The following COG5 variants were observed in gnomAD, a reference collection of about 807,000 sequenced individuals.
The protein encoded by COG5 is conserved oligomeric Golgi complex subunit 5.
COG5 carries 86 observed loss-of-function variants against 110.4 expected under a neutral mutation model. The observed-to-expected ratio is 0.78, with a 90% confidence interval of 0.65 to 0.93. The LOEUF (loss-of-function observed/expected upper bound fraction) is 0.93, where lower values mean the gene tolerates loss of function less well. Among genes scored for constraint, COG5 ranks in the 40% least tolerant of loss-of-function variants. The pLI is 0.00. For synonymous variants in COG5, 360 were observed against 334.6 expected (o/e 1.08, Z -0.83); for missense variants, 1,077 against 987.0 (o/e 1.09, Z -1.22).
At chr7:107,211,397 C>T (rs1161207214) in intron 19 of COG5, among the ~76,000 whole-genome samples, 172 bp from the exon 20 acceptor site, 1 of 152,142 alleles carries the variant, frequency 6.6e-6, no homozygotes, top group African/African-American at 2.4e-5. Context: ...CCTCTACCCC[C>T]ACATGCCCAC....
At chr7:107,371,766 G>C (rs907563605) in intron 8 of COG5, among the ~76,000 whole-genome samples, 4 of 152,164 alleles carry the variant, frequency 2.6e-5, no homozygotes, top group Non-Finnish European at 5.9e-5. Context: ...TGCAAAGAAA[G>C]AAACATTGTC....
chr7:107,445,566 C>T (rs1057346664), intron 6 of COG5, among the ~76,000 whole-genome samples: 2 of 152,162 alleles, frequency 1.3e-5, no homozygotes, highest in African/African-American at 2.4e-5. Context: ...GGAAAATTGC[C>T]TTAATCTATC....
intron 10 of COG5, among the ~76,000 whole-genome samples, chr7:107,351,987 C>T (rs1358437244): frequency 6.2e-5 from 9 of 145,568 alleles, no homozygotes; most frequent in South Asian, 2.2e-4. Context: ...TTATAAATCA[C>T]GCTGCTATAA....
chr7:107,459,660 G>C (rs746891475), intron 6 of COG5, among the ~76,000 whole-genome samples: 7 of 151,952 alleles, frequency 4.6e-5, no homozygotes, highest in Admixed American at 2.0e-4. Flanking sequence ...GCCAGGTACT[G>C]TGGTACACAC....
At chr7:107,340,487 A>G (rs1439571998) in intron 10 of COG5, among the ~76,000 whole-genome samples, 1 of 151,872 alleles carries the variant, frequency 6.6e-6, no homozygotes, top group African/African-American at 2.4e-5. Flanking sequence ...TTCTCCCCCA[A>G]TCCCCCTAAA....
intron 6 of COG5, among the ~76,000 whole-genome samples, chr7:107,510,358 T>C (rs924145150): frequency 5.3e-5 from 8 of 152,210 alleles, no homozygotes; most frequent in African/African-American, 1.7e-4. Flanking sequence ...CTATCCTAAA[T>C]GTATATGCAC....
At position 107,372,619 on chromosome 7, in the gene COG5, G is replaced by A. The variant is rs746960200; in HGVS notation, c.811C>T (p.Gln271Ter). Residue 271 changes from glutamine (Q) to a stop codon, truncating the protein, a stop_gained, in exon 8 of 22, where the codon CAG becomes TAG. Coordinates refer to ENST00000297135, the MANE Select transcript of COG5 (RefSeq NM_006348.5). LOFTEE classifies it high-confidence loss of function. The stretch of plus-strand genomic sequence containing the variant: ...CCTCTCACAGCTGACTGGGAAGGCT[G>A]AGTCAAAACTTTTATGTCTAATGCA... The part of the protein sequence containing the change: ...NSALDIKVLT[Q>*]PSQSAVRGGP... The A allele has an allele frequency of 2.5e-6, 4 of 1,613,492 alleles. No homozygotes were observed. The highest frequency in any genetic ancestry group is 1.7e-5 in the Admixed American group (1 of 59,992).
chr7:107,439,660 ATAAT>A (rs1392640705), intron 6 of COG5, among the ~76,000 whole-genome samples: 2 of 152,136 alleles, frequency 1.3e-5, no homozygotes, highest in Non-Finnish European at 2.9e-5. Flanking sequence ...TATGTAAAAT[ATAAT>A]TAATAGATTA....
intron 12 of COG5, among the ~76,000 whole-genome samples, chr7:107,293,451 AC>A (rs1806340375): frequency 6.6e-6 from 1 of 152,146 alleles, no homozygotes; most frequent in South Asian, 2.1e-4. Context: ...GGCGGGTAAG[AC>A]GGGAACAATC....
At chr7:107,451,711 T>C (rs1367229064) in intron 6 of COG5, among the ~76,000 whole-genome samples, 1 of 152,214 alleles carries the variant, frequency 6.6e-6, no homozygotes, top group African/African-American at 2.4e-5. Context: ...TTCCAATTAA[T>C]GAACATTAAA....
chr7:107,513,933 G>C (rs909590805), intron 6 of COG5, among the ~76,000 whole-genome samples: 1 of 151,866 alleles, frequency 6.6e-6, no homozygotes, highest in Admixed American at 6.6e-5. Flanking sequence ...AGCATTAGGA[G>C]ATATACCTAA....
In COG5 at chr7:107,370,887, T is replaced by C. The variant is rs1026504942; in HGVS notation, c.835+1708A>G. 2.4e-4 allele frequency among the ~76,000 whole-genome samples: 36 copies of C among 151,822 alleles called. 1 individual carries two copies. Among genetic ancestry groups the C allele is most frequent in the African/African-American group, 8.0e-4 (33 of 41,374 alleles). ...GAACTGATGCTTAAGGTTTCTGTGT[T>C]AAATCATGGTATCCACTTGTCAACA... On this transcript the variant is annotated intron_variant, in intron 8 of 21. Coordinates refer to ENST00000297135, the MANE Select transcript of COG5 (RefSeq NM_006348.5).
At chr7:107,427,538 C>A (rs976762618) in intron 6 of COG5, among the ~76,000 whole-genome samples, 6 of 151,836 alleles carry the variant, frequency 4.0e-5, no homozygotes, top group African/African-American at 7.3e-5. Context: ...TGTGACTTTA[C>A]TTGGAAGCAG....
At chr7:107,261,895 A>ATT (rs372803824) in intron 14 of COG5, among the ~76,000 whole-genome samples, 1 of 138,936 alleles carries the variant, frequency 7.2e-6, no homozygotes, top group African/African-American at 2.6e-5. Flanking sequence ...CTTCTCTTTG[A>ATT]TTTTTTTTTT....
chr7:107,250,595 ACT>A (rs1802430681), intron 16 of COG5, among the ~76,000 whole-genome samples: 1 of 152,122 alleles, frequency 6.6e-6, no homozygotes, highest in Non-Finnish European at 1.5e-5. Flanking sequence ...GATGAACCAG[ACT>A]CTAGAATTAT....
chr7:107,299,865 T>C (rs1807100749), intron 11 of COG5, among the ~76,000 whole-genome samples: 2 of 103,188 alleles, frequency 1.9e-5, no homozygotes, highest in Admixed American at 2.1e-4. Context: ...ATATCTGGAA[T>C]TATCTGGAAT....
intron 6 of COG5, among the ~76,000 whole-genome samples, chr7:107,420,365 ATTC>A (rs1793195052): frequency 6.6e-6 from 1 of 152,270 alleles, no homozygotes; most frequent in African/African-American, 2.4e-5. Context: ...ATAGGGTATT[ATTC>A]TTTTGATCGG....
At chr7:107,236,891 A>G (rs140104240) in intron 17 of COG5, among the ~76,000 whole-genome samples, 1 of 152,370 alleles carries the variant, frequency 6.6e-6, no homozygotes, top group African/African-American at 2.4e-5. Context: ...TTTAGATGCC[A>G]GGAGGATTAC....
chr7:107,414,600 A>C (rs201529240), intron 6 of COG5, among the ~76,000 whole-genome samples: 3 of 145,438 alleles, frequency 2.1e-5, no homozygotes, highest in African/African-American at 2.4e-5. Context: ...CTAGTTTATT[A>C]TAGTTGCCCT....
Sources: gnomAD v4.1 joint callset for allele counts (sites outside exome capture counted in the v4.1 genomes callset) on GRCh38, gnomAD v4.1.1 for gene constraint, MANE v1.5 for transcripts, NCBI Gene and HGNC (gene_info 2026-07-23, HGNC 2026-07-21) for gene names.